The following PLCB1 variants were observed in gnomAD, a reference collection of about 807,000 sequenced individuals.
The protein encoded by PLCB1 is phospholipase C beta 1.
PLCB1 carries 46 observed loss-of-function variants against 161.8 expected under a neutral mutation model. The ratio of observed to expected loss-of-function variants is 0.28; its 90% CI spans 0.22 to 0.36. The LOEUF is 0.36. PLCB1 is among the 10% of genes least tolerant of loss of function. PLCB1 has a pLI of 1.00. For missense variants in PLCB1, 1,016 were observed against 1,472.5 expected, an observed-to-expected ratio of 0.69 and a Z score of 5.07; for synonymous variants, 517 against 503.7, an observed-to-expected ratio of 1.03 and a Z score of -0.35.
rs371443174 is a variant in PLCB1, at chr20:8,290,317, G to A, written c.178-81065G>A. On this transcript the variant is annotated intron_variant, in intron 2 of 31. Transcript: ENST00000338037. ...AATGCAAGTAGTTTTCTGGAAGGTCGTGCCAGGAAACCTGCCAAGAATGGG... is the reference window on the plus strand; with the variant it reads ...AATGCAAGTAGTTTTCTGGAAGGTCATGCCAGGAAACCTGCCAAGAATGGG... Among the ~76,000 whole-genome samples, 5 of 152,288 alleles carry A rather than the reference G, an allele frequency of 3.3e-5. No individual in the cohort carries two copies. The South Asian group carries it at 6.2e-4, about 19-fold the overall frequency.
chr20:8,550,499 A>C (rs1288567323), intron 3 of PLCB1, among the ~76,000 whole-genome samples: 1 of 152,066 alleles, frequency 6.6e-6, no homozygotes, highest in Non-Finnish European at 1.5e-5. Flanking sequence ...TCACCCTGTG[A>C]AGAGGTGCCT....
intron 2 of PLCB1, among the ~76,000 whole-genome samples, chr20:8,205,140 ATGT>A (rs1978458372): frequency 6.6e-6 from 1 of 152,212 alleles, no homozygotes; most frequent in Non-Finnish European, 1.5e-5. Context: ...AGTTGATTTA[ATGT>A]TGTTATGAAA....
chr20:8,632,034 GCTTTTT>G lies in PLCB1; in HGVS notation c.384+3604_384+3609del, dbSNP rs1466539702. Among the ~76,000 whole-genome samples the G allele has an allele frequency of 1.6e-3, 133 of 81,726 alleles. 4 individuals carry two copies. The highest frequency in any genetic ancestry group is 3.2e-3 in the African/African-American group (79 of 24,588). The allele number at this position is 81,726 out of a possible 152,430, so 53.6% of individuals were successfully genotyped here. A position where few individuals can be genotyped will look rare whatever the true frequency, so the allele number is the denominator to read the frequency against. ...GAGGAGACAAATATGGGTTTTTTTT[GCTTTTT>G]TTTTTTTTTTTTTTTTTTTTTTTTT... is the stretch of plus-strand genomic sequence containing the variant. On this transcript the variant is annotated intron_variant, in intron 4 of 31. Coordinates refer to ENST00000338037, the MANE Select transcript of PLCB1 (RefSeq NM_015192.4).
chr20:8,519,848 A>G (rs1984281088), intron 3 of PLCB1, among the ~76,000 whole-genome samples: 1 of 152,192 alleles, frequency 6.6e-6, no homozygotes, highest in African/African-American at 2.4e-5. Context: ...GAGAATTCTT[A>G]GTTTTCAGAT....
intron 2 of PLCB1, among the ~76,000 whole-genome samples, chr20:8,202,664 A>G (rs1220354902): frequency 6.6e-6 from 1 of 152,212 alleles, no homozygotes; most frequent in African/African-American, 2.4e-5. Context: ...TGTTGAGAGT[A>G]CAGTGTGTGC....
At chr20:8,328,229 T>C (rs554368077) in intron 2 of PLCB1, among the ~76,000 whole-genome samples, 5 of 152,146 alleles carry the variant, frequency 3.3e-5, no homozygotes, top group Non-Finnish European at 5.9e-5. Context: ...GCTCAACCTG[T>C]ACATGATAAC....
intron 25 of PLCB1, among the ~76,000 whole-genome samples, chr20:8,761,975 A>AAGG (rs958132978): frequency 1.7e-4 from 19 of 109,522 alleles, no homozygotes; most frequent in East Asian, 8.0e-4. Context: ...TGGGGAGGCC[A>AAGG]AGGGGGGGGC....
intron 2 of PLCB1, among the ~76,000 whole-genome samples, chr20:8,335,187 G>T (rs748222257): frequency 1.3e-5 from 2 of 152,048 alleles, no homozygotes; most frequent in Non-Finnish European, 2.9e-5. Context: ...GTAATTTTTT[G>T]GTGACATAGT....
At chr20:8,278,135 T>G (rs1982669415) in intron 2 of PLCB1, among the ~76,000 whole-genome samples, 1 of 151,612 alleles carries the variant, frequency 6.6e-6, no homozygotes, top group Non-Finnish European at 1.5e-5. Context: ...ACAAAAGAAT[T>G]AGAGCATATC....
chr20:8,407,555 T>C (rs1184418721), intron 3 of PLCB1, among the ~76,000 whole-genome samples: 1 of 152,102 alleles, frequency 6.6e-6, no homozygotes, highest in Non-Finnish European at 1.5e-5. Flanking sequence ...CCTGATAAAC[T>C]CGTCAGATCT....
intron 4 of PLCB1, among the ~76,000 whole-genome samples, chr20:8,644,466 G>C (rs1989081930): frequency 6.6e-6 from 1 of 150,974 alleles, no homozygotes; most frequent in African/African-American, 2.4e-5. Context: ...GGGATGTGAG[G>C]AGCGCCTCTG....
At chr20:8,309,465 AGT>A (rs1984292969) in intron 2 of PLCB1, among the ~76,000 whole-genome samples, 1 of 152,188 alleles carries the variant, frequency 6.6e-6, no homozygotes, top group Non-Finnish European at 1.5e-5. Context: ...GATTTCTACC[AGT>A]GTTTTTCTTA....
intron 27 of PLCB1, among the ~76,000 whole-genome samples, chr20:8,779,633 C>T (rs1473794872): frequency 1.3e-5 from 2 of 151,156 alleles, no homozygotes; most frequent in Non-Finnish European, 2.9e-5. Flanking sequence ...GTGTGTTAGA[C>T]ATGCAGAGTC....
rs1231131549 is a variant in PLCB1, at chr20:8,716,336, G to A, written c.1323G>A (p.Leu441=). Residue 441 remains leucine (L), a synonymous_variant, in exon 13 of 32, where the codon CTG becomes CTA. Coordinates refer to ENST00000338037, the MANE Select transcript of PLCB1 (RefSeq NM_015192.4). ...GGGATGCCCTTCTCATGGAGCCCCT[G>A]GAAAAATATCCAGTAAGCAGTTCTG... is the stretch of plus-strand genomic sequence containing the variant. ...IFGDALLMEP[L]EKYPLESGVP... is the part of the protein sequence containing the mutation. 1.2e-6 allele frequency: 2 copies of A among 1,612,866 alleles called. No individual in the cohort carries two copies. The highest frequency in any genetic ancestry group is 1.7e-4 in the Middle Eastern group (1 of 6,058).
chr20:8,671,616 G>A (rs954360080), intron 9 of PLCB1, among the ~76,000 whole-genome samples: 1 of 152,176 alleles, frequency 6.6e-6, no homozygotes, highest in Non-Finnish European at 1.5e-5. Context: ...AAAGTAACAC[G>A]TTTTAGAGAG....
chr20:8,380,452 A>C (rs1004379032), intron 3 of PLCB1, among the ~76,000 whole-genome samples: 4 of 152,060 alleles, frequency 2.6e-5, no homozygotes, highest in Non-Finnish European at 5.9e-5. Context: ...TCCCATATGA[A>C]ATTTAAAGTA....
At chr20:8,800,826 G>GA (rs1984247851) in intron 31 of PLCB1, among the ~76,000 whole-genome samples, 3 of 152,008 alleles carry the variant, frequency 2.0e-5, no homozygotes, top group Admixed American at 2.0e-4. Flanking sequence ...CCTAGGACTT[G>GA]AAAAAAATAT....
At chr20:8,288,289 G>A (rs1288509256) in intron 2 of PLCB1, among the ~76,000 whole-genome samples, 2 of 152,084 alleles carry the variant, frequency 1.3e-5, no homozygotes, top group East Asian at 3.9e-4. Context: ...CTTGATATCT[G>A]GAACTCTTGC....
At chr20:8,695,715 T>TA (rs1306646215) in intron 10 of PLCB1, among the ~76,000 whole-genome samples, 2 of 152,156 alleles carry the variant, frequency 1.3e-5, no homozygotes, top group Non-Finnish European at 2.9e-5. Context: ...GAAAAACTTT[T>TA]AAAAAAATGA....
Sources: gnomAD v4.1 joint callset for allele counts (sites outside exome capture counted in the v4.1 genomes callset) on GRCh38, gnomAD v4.1.1 for gene constraint, MANE v1.5 for transcripts, NCBI Gene and HGNC (gene_info 2026-07-23, HGNC 2026-07-21) for gene names.